The following PLXNA2 variants were observed in gnomAD, a reference collection of about 807,000 sequenced individuals.
PLXNA2 encodes plexin-A2.
A neutral mutation model predicts 193.5 loss-of-function variants in PLXNA2; 91 were observed. The observed-to-expected ratio is 0.47, with a 90% CI of 0.40 to 0.56. PLXNA2 has a LOEUF of 0.56. PLXNA2 is among the 20% of genes least tolerant of loss of function. The pLI, the probability that PLXNA2 is intolerant of heterozygous loss-of-function variation, is 0.00. For missense variants in PLXNA2, 1,995 were observed against 2,503.2 expected (o/e 0.80, Z 4.33); for synonymous variants, 997 against 1,027.3 (o/e 0.97, Z 0.56).
rs1664207216 is a variant in PLXNA2, at chr1:208,022,342, A to G, written c.*4901T>C. On this transcript the variant is annotated 3_prime_UTR_variant, in exon 32 of 32. Transcript: ENST00000367033. ...AGCTTGCAAAATAGGAGTGTTTCATATTTACAATAGGTACACAATAATATA... is the reference window on the plus strand; with the variant it reads ...AGCTTGCAAAATAGGAGTGTTTCATGTTTACAATAGGTACACAATAATATA... 1.3e-5 allele frequency: 2 copies of G among 152,506 alleles called. No individual in the cohort carries two copies. Among genetic ancestry groups the G allele is most frequent in the African/African-American group, 4.8e-5 (2 of 41,386 alleles). 9.4% of individuals were successfully genotyped at this position (152,506 alleles called of 1,614,324 possible).
chr1:208,087,920 C>T (rs1480520605), intron 9 of PLXNA2, among the ~76,000 whole-genome samples: 1 of 152,170 alleles, frequency 6.6e-6, no homozygotes, highest in Non-Finnish European at 1.5e-5. Context: ...TACACACACA[C>T]ACAGGCACAC....
chr1:208,058,344 G>A (rs1280587865), intron 13 of PLXNA2, among the ~76,000 whole-genome samples: 2 of 152,158 alleles, frequency 1.3e-5, no homozygotes, highest in Admixed American at 6.5e-5. Context: ...AGGACTAAGC[G>A]GGGCCCTTTA....
chr1:208,202,524 C>G (rs922985238), intron 3 of PLXNA2, among the ~76,000 whole-genome samples: 1 of 152,118 alleles, frequency 6.6e-6, no homozygotes, highest in Non-Finnish European at 1.5e-5. Context: ...CTTTGTTATG[C>G]AAATTGGTCC....
intron 12 of PLXNA2, among the ~76,000 whole-genome samples, chr1:208,062,195 T>C (rs1018619048): frequency 2.0e-5 from 3 of 152,230 alleles, no homozygotes; most frequent in African/African-American, 7.2e-5. Flanking sequence ...CTTGACCCTG[T>C]ATGTGCTGGT....
At position 208,079,327 on chromosome 1, in the gene PLXNA2, C is replaced by A. The variant is rs750766040; in HGVS notation, c.2519G>T (p.Ser840Ile). ...CCAGTCGAGCCAGGGGCTGGAAGGG[C>A]TGGTACAGTGCTGGTGGAGGGTGCA... ...RRCTLHQHCT[S>I]PSSPWLDWSS... The change falls in exon 12 of 32, where the codon AGC becomes ATC. Residue 840 changes from serine (S) to isoleucine (I), a missense_variant. By Grantham distance (142) the Ser-to-Ile change is moderately radical. This residue lies in a region of PLXNA2 where 1,291 missense variants were observed against 1,673.6 expected (regional missense o/e 0.77). Coordinates refer to ENST00000367033, the MANE Select transcript of PLXNA2 (RefSeq NM_025179.4). 1.5e-5 allele frequency: 25 copies of A among 1,613,902 alleles called. No individual in the cohort carries two copies. Among genetic ancestry groups the A allele is most frequent in the Non-Finnish European group, 2.1e-5 (25 of 1,179,816 alleles).
intron 9 of PLXNA2, among the ~76,000 whole-genome samples, chr1:208,091,076 A>G (rs1666690608): frequency 6.6e-6 from 1 of 152,194 alleles, no homozygotes; most frequent in Non-Finnish European, 1.5e-5. Context: ...GGCCAGCTGC[A>G]TCAAAGCATA....
intron 13 of PLXNA2, 106 bp from the exon 14 acceptor site, chr1:208,054,644 T>C: frequency 2.6e-6 from 2 of 780,866 alleles, no homozygotes; most frequent in South Asian, 1.6e-5. Flanking sequence ...CTTGCAATAA[T>C]GCCAGACCAA....
rs1308534663 is a variant in PLXNA2, at chr1:208,236,907, C to T, written c.-81+6736G>A. On this transcript the variant is annotated intron_variant, in intron 1 of 31. Coordinates refer to ENST00000367033, the MANE Select transcript of PLXNA2 (RefSeq NM_025179.4). The surrounding 1 kb of genome is among the most constrained non-coding windows in gnomAD (Gnocchi z 4.4). ...TCTTGAAGCCCAAGTATGGCCCTAG[C>T]TCTGTGCTTCCCAGTGCAGGGGTCA... Among the ~76,000 whole-genome samples, 1 of 152,266 alleles carries T rather than the reference C, an allele frequency of 6.6e-6. No homozygotes were observed. The highest frequency in any genetic ancestry group is 1.5e-5 in the Non-Finnish European group (1 of 68,056).
intron 3 of PLXNA2, among the ~76,000 whole-genome samples, chr1:208,194,184 G>C (rs1283667027): frequency 6.6e-6 from 1 of 151,860 alleles, no homozygotes; most frequent in East Asian, 1.9e-4. Flanking sequence ...CAGGTTGGGA[G>C]CCCCTGTCTG....
intron 13 of PLXNA2, among the ~76,000 whole-genome samples, chr1:208,059,949 G>A (rs1665563335): frequency 6.6e-6 from 1 of 152,166 alleles, no homozygotes; most frequent in Non-Finnish European, 1.5e-5. Context: ...TCTTGCTCAT[G>A]CTCCCAGTAC....
chr1:208,126,484 A>C (rs1667979795), intron 4 of PLXNA2, among the ~76,000 whole-genome samples: 1 of 152,184 alleles, frequency 6.6e-6, no homozygotes, highest in Non-Finnish European at 1.5e-5. Context: ...TTTTAAAAAG[A>C]TGTTCAATTT....
At chr1:208,170,494 G>A (rs960472621) in intron 3 of PLXNA2, among the ~76,000 whole-genome samples, 3 of 152,216 alleles carry the variant, frequency 2.0e-5, no homozygotes, top group African/African-American at 7.2e-5. Context: ...GGGAGCAGGA[G>A]GCCCTGTGGG....
At chr1:208,098,725 C>T in intron 6 of PLXNA2, 121 bp downstream of exon 6, 2 of 1,162,174 alleles carry the variant, frequency 1.7e-6, no homozygotes, top group Non-Finnish European at 2.4e-6. Context: ...AACATAAAGT[C>T]TCCTTACTGG....
At chr1:208,161,727 T>A (rs897902954) in intron 3 of PLXNA2, among the ~76,000 whole-genome samples, 1 of 152,160 alleles carries the variant, frequency 6.6e-6, no homozygotes, top group African/African-American at 2.4e-5. Context: ...GGAGAAGTGG[T>A]CCTGTTACTC....
At chr1:208,199,384 T>C (rs1670463332) in intron 3 of PLXNA2, among the ~76,000 whole-genome samples, 1 of 152,194 alleles carries the variant, frequency 6.6e-6, no homozygotes, top group African/African-American at 2.4e-5. Flanking sequence ...GTCAGTCTGA[T>C]GTTTTGTGCA....
chr1:208,083,932 G>A (rs1666428209), intron 10 of PLXNA2, among the ~76,000 whole-genome samples: 1 of 152,022 alleles, frequency 6.6e-6, no homozygotes, highest in South Asian at 2.1e-4. Flanking sequence ...GGAATGGGGT[G>A]TAGGGTGGAG....
chr1:208,188,601 C>T (rs1021888534), intron 3 of PLXNA2, among the ~76,000 whole-genome samples: 6 of 151,046 alleles, frequency 4.0e-5, no homozygotes, highest in African/African-American at 9.8e-5. Context: ...CCCAGCTACT[C>T]GGGAGGCTGA....
At chr1:208,127,490 C>T (rs1293520489) in intron 4 of PLXNA2, among the ~76,000 whole-genome samples, 1 of 152,174 alleles carries the variant, frequency 6.6e-6, no homozygotes, top group African/African-American at 2.4e-5. Flanking sequence ...TACAATTGTC[C>T]CTATTCCCAA....
intron 9 of PLXNA2, among the ~76,000 whole-genome samples, chr1:208,090,676 G>T (rs1666678429): frequency 6.6e-6 from 1 of 152,168 alleles, no homozygotes; most frequent in Non-Finnish European, 1.5e-5. Flanking sequence ...CCTGAGGTGG[G>T]TAGCCTCAGG....
Sources: allele counts gnomAD v4.1 joint callset (sites outside exome capture counted in the v4.1 genomes callset), GRCh38; gene constraint gnomAD v4.1.1; regional missense constraint gnomAD v4.1.1; non-coding constraint Gnocchi (gnomAD v3.1); transcripts MANE v1.5; gene names NCBI Gene and HGNC (gene_info 2026-07-23, HGNC 2026-07-21).